Variants in CTNNA2 observed in about 807,000 individuals in gnomAD.
CTNNA2 encodes the protein catenin alpha-2.
In CTNNA2, 42 loss-of-function variants were observed where a neutral mutation model predicts 101.0. That is an observed-to-expected ratio of 0.42 (90% CI 0.32 to 0.54). The LOEUF (loss-of-function observed/expected upper bound fraction) is 0.54. CTNNA2 is among the 20% of genes least tolerant of loss of function. The probability of loss-of-function intolerance (pLI) is 0.14; values close to 1 mark genes in which losing one functional copy is unlikely to be tolerated. For missense variants in CTNNA2, 871 were observed against 1,223.1 expected (o/e 0.71, Z 4.29); for synonymous variants, 450 against 456.4 (o/e 0.99, Z 0.18).
chr2:80,532,666 T>G (rs967332908), intron 9 of CTNNA2, among the ~76,000 whole-genome samples: 1 of 152,320 alleles, frequency 6.6e-6, no homozygotes, highest in East Asian at 1.9e-4. Context: ...CTATTTGTGG[T>G]TTCAGGTATC....
intron 4 of CTNNA2, among the ~76,000 whole-genome samples, chr2:79,414,721 A>C (rs908120501): frequency 3.3e-5 from 5 of 152,024 alleles, no homozygotes; most frequent in Non-Finnish European, 7.4e-5. Context: ...CTATAATACC[A>C]GATGCAAAAG....
intron 2 of CTNNA2, among the ~76,000 whole-genome samples, chr2:79,714,443 A>G (rs748589705): frequency 4.6e-5 from 7 of 152,146 alleles, no homozygotes; most frequent in Non-Finnish European, 8.8e-5. Flanking sequence ...TTAGACATGT[A>G]CTGACTTCTC....
At chr2:79,186,257 G>T (rs1365654970) in intron 1 of CTNNA2, among the ~76,000 whole-genome samples, 1 of 151,992 alleles carries the variant, frequency 6.6e-6, no homozygotes, top group East Asian at 1.9e-4. Flanking sequence ...TTTGAGAAGT[G>T]GCAAAAGGAA....
chr2:80,553,220 T>C (rs1692735201), intron 11 of CTNNA2, among the ~76,000 whole-genome samples: 1 of 55,262 alleles, frequency 1.8e-5, no homozygotes, highest in African/African-American at 4.6e-5. Context: ...GGAGACTCCG[T>C]CTCAAAAAAA....
intron 11 of CTNNA2, among the ~76,000 whole-genome samples, chr2:80,547,666 G>T (rs1692192199): frequency 1.4e-5 from 2 of 141,848 alleles, no homozygotes; most frequent in South Asian, 2.3e-4. Flanking sequence ...GCTGATAAAA[G>T]AACTCAATAT....
At chr2:80,313,484 A>G in intron 7 of CTNNA2, 1 of 1,557,394 alleles carries the variant, frequency 6.4e-7, no homozygotes, top group Non-Finnish European at 8.7e-7. Context: ...GCAGAGATGT[A>G]AACAAGAGCT....
At chr2:80,526,662 A>G (rs1304388089) in intron 9 of CTNNA2, among the ~76,000 whole-genome samples, 3 of 152,146 alleles carry the variant, frequency 2.0e-5, no homozygotes, top group Non-Finnish European at 1.5e-5. Flanking sequence ...TCATCTATAA[A>G]ATGGGAATGA....
intron 7 of CTNNA2, among the ~76,000 whole-genome samples, chr2:80,150,306 C>G (rs78574214): frequency 0.047 from 7,138 of 152,214 alleles, 293 homozygotes; most frequent in South Asian, 0.2. Context: ...ACTTTACATC[C>G]TCTCAGGGAC....
intron 7 of CTNNA2, among the ~76,000 whole-genome samples, chr2:80,035,645 C>T (rs1026887017): frequency 1.3e-5 from 2 of 151,874 alleles, no homozygotes; most frequent in Non-Finnish European, 2.9e-5. Flanking sequence ...GAGATACAGA[C>T]CATTAAGGCT....
At chr2:80,645,425 C>T (rs1673968694) in intron 18 of CTNNA2, among the ~76,000 whole-genome samples, 1 of 152,126 alleles carries the variant, frequency 6.6e-6, no homozygotes, top group Non-Finnish European at 1.5e-5. Context: ...TATTACCAAA[C>T]TTGTGTATGA....
chr2:80,555,886 T>C lies in CTNNA2; in HGVS notation c.1734T>C (p.Ser578=), dbSNP rs960051777. 1 of 1,546,382 alleles carries C rather than the reference T, an allele frequency of 6.5e-7. No homozygotes were observed. The stretch of plus-strand genomic sequence containing the variant: ...TGTTGGAAGCTACAAAATTGCTTTC[T>C]GAAACAGGTAAGCATGGGTATTGGG... ...EKVLEATKLL[S]ETVMPRFAEQ... The change falls in exon 12 of 19, where the codon TCT becomes TCC. Residue 578 remains serine (S), a synonymous_variant. Coordinates refer to ENST00000402739, the MANE Select transcript of CTNNA2 (RefSeq NM_001282597.3).
intron 7 of CTNNA2, among the ~76,000 whole-genome samples, chr2:79,942,449 C>A (rs532857044): frequency 1.3e-5 from 2 of 152,086 alleles, no homozygotes; most frequent in Admixed American, 6.6e-5. Flanking sequence ...TTGTAGGAGA[C>A]ACGAAGAAAA....
chr2:80,297,011 A>T, intron 7 of CTNNA2, among the ~76,000 whole-genome samples: 1 of 152,164 alleles, frequency 6.6e-6, no homozygotes. Flanking sequence ...TGAGTCTAAA[A>T]TCCTATTTTA....
chr2:79,733,137 C>A (rs917908679), intron 2 of CTNNA2, among the ~76,000 whole-genome samples: 3 of 152,100 alleles, frequency 2.0e-5, no homozygotes, highest in African/African-American at 7.2e-5. Context: ...TTGCTTTTTG[C>A]TAAGAATGAA....
chr2:80,466,106 C>T (rs1237975905), intron 9 of CTNNA2, among the ~76,000 whole-genome samples: 1 of 152,170 alleles, frequency 6.6e-6, no homozygotes, highest in African/African-American at 2.4e-5. Context: ...ATATGTTCTT[C>T]CTCTGTAACT....
At chr2:79,608,629 A>G (rs1330409548) in intron 1 of CTNNA2, among the ~76,000 whole-genome samples, 1 of 152,112 alleles carries the variant, frequency 6.6e-6, no homozygotes, top group African/African-American at 2.4e-5. Context: ...TAGTGTAATC[A>G]TTATATTAAA....
At chr2:79,349,959 A>C (rs565956378) in intron 3 of CTNNA2, among the ~76,000 whole-genome samples, 313 of 151,614 alleles carry the variant, frequency 2.1e-3, no homozygotes, top group Non-Finnish European at 3.6e-3. Context: ...CTGTAGTCCT[A>C]GCTACTCAGG....
Position 80,234,242 on chromosome 2 carries a change from G to A in CTNNA2, c.1057-158969G>A, listed in dbSNP as rs184822821. The stretch of plus-strand genomic sequence containing the variant: ...ACACAGGGTTTTGCCATGTTGGCCA[G>A]GCTGGTCTCAAACTCCTGACCTCAA... On this transcript the variant is annotated intron_variant, in intron 7 of 18. Coordinates refer to ENST00000402739, the MANE Select transcript of CTNNA2 (RefSeq NM_001282597.3). 2.8e-3 allele frequency among the ~76,000 whole-genome samples: 429 copies of A among 152,218 alleles called. 1 individual carries two copies. Among genetic ancestry groups the A allele is most frequent in the Non-Finnish European group, 4.5e-3 (307 of 68,020 alleles).
chr2:80,641,196 C>G (rs1673439375), intron 18 of CTNNA2, among the ~76,000 whole-genome samples: 1 of 152,134 alleles, frequency 6.6e-6, no homozygotes, highest in South Asian at 2.1e-4. Flanking sequence ...GTAAACACCT[C>G]AGTTCTTTTA....
Sources: allele counts gnomAD v4.1 joint callset (sites outside exome capture counted in the v4.1 genomes callset), GRCh38; gene constraint gnomAD v4.1.1; transcripts MANE v1.5; gene names NCBI Gene and HGNC (gene_info 2026-07-23, HGNC 2026-07-21).